NKAIN3: variants seen among roughly 807,000 people sequenced by gnomAD.
The protein encoded by NKAIN3 is sodium/potassium transporting ATPase interacting 3, also known as sodium/potassium-transporting ATPase subunit beta-1-interacting protein 3.
Under a neutral mutation model 30.2 loss-of-function variants are expected in NKAIN3, and 25 were observed. The observed-to-expected ratio is 0.83, with a 90% confidence interval of 0.60 to 1.16. The LOEUF is 1.16. Among genes scored for constraint, NKAIN3 ranks in the 50% most tolerant of loss-of-function variants. The pLI, the probability that NKAIN3 is intolerant of heterozygous loss-of-function variation, is 0.00. For synonymous variants in NKAIN3, 91 were observed against 89.6 expected, an observed-to-expected ratio of 1.02 and a Z score of -0.09; for missense variants, 225 against 254.1, an observed-to-expected ratio of 0.89 and a Z score of 0.78.
intron 5 of NKAIN3, among the ~76,000 whole-genome samples, chr8:62,923,896 C>G (rs1415490002): frequency 6.6e-6 from 1 of 152,152 alleles, no homozygotes; most frequent in Non-Finnish European, 1.5e-5. Flanking sequence ...GACTCTCTCT[C>G]AAGAATATCA....
At chr8:62,891,674 G>A (rs901439768) in intron 4 of NKAIN3, among the ~76,000 whole-genome samples, 1 of 152,062 alleles carries the variant, frequency 6.6e-6, no homozygotes, top group African/African-American at 2.4e-5. Flanking sequence ...CTTTTGAACA[G>A]AGACAAAATT....
chr8:62,857,675 T>G (rs926878191), intron 4 of NKAIN3, among the ~76,000 whole-genome samples: 1 of 152,246 alleles, frequency 6.6e-6, no homozygotes, highest in African/African-American at 2.4e-5. Flanking sequence ...GAAGTTCTTA[T>G]ACTGTGTTTT....
chr8:62,842,581 C>G (rs914959097), intron 4 of NKAIN3, among the ~76,000 whole-genome samples: 7 of 152,090 alleles, frequency 4.6e-5, no homozygotes, highest in African/African-American at 7.2e-5. Flanking sequence ...AACAAAGCTA[C>G]AGGCATCATA....
intron 1 of NKAIN3, among the ~76,000 whole-genome samples, chr8:62,295,930 CT>C (rs1376747024): frequency 6.6e-6 from 1 of 152,112 alleles, no homozygotes; most frequent in African/African-American, 2.4e-5. Flanking sequence ...TTCTAATAAC[CT>C]CACACCTTAG....
intron 1 of NKAIN3, among the ~76,000 whole-genome samples, chr8:62,421,560 A>G (rs373765499): frequency 1.3e-3 from 194 of 152,026 alleles, no homozygotes; most frequent in African/African-American, 4.6e-3. Context: ...ATTTTTCTGT[A>G]TTAGCTGAAA....
chr8:62,577,806 C>G (rs1810163879), intron 1 of NKAIN3, among the ~76,000 whole-genome samples: 1 of 151,836 alleles, frequency 6.6e-6, no homozygotes, highest in Non-Finnish European at 1.5e-5. Context: ...TGAATGTATC[C>G]TGAATCATAT....
At chr8:62,754,999 A>AT (rs1249552252) in intron 4 of NKAIN3, among the ~76,000 whole-genome samples, 1 of 152,220 alleles carries the variant, frequency 6.6e-6, no homozygotes, top group East Asian at 1.9e-4. Context: ...TAGTTAAAAG[A>AT]TTTTTTTAAA....
chr8:62,396,466 G>C (rs1817768726), intron 1 of NKAIN3, among the ~76,000 whole-genome samples: 1 of 152,150 alleles, frequency 6.6e-6, no homozygotes, highest in South Asian at 2.1e-4. Context: ...TTAATTTACA[G>C]AATTAATTCT....
At chr8:62,382,526 C>T (rs1817308534) in intron 1 of NKAIN3, among the ~76,000 whole-genome samples, 1 of 152,096 alleles carries the variant, frequency 6.6e-6, no homozygotes. Context: ...AAGTATGTTT[C>T]TATATTATAC....
At chr8:62,401,901 C>T (rs1358715685) in intron 1 of NKAIN3, among the ~76,000 whole-genome samples, 5 of 152,212 alleles carry the variant, frequency 3.3e-5, no homozygotes, top group African/African-American at 1.2e-4. Flanking sequence ...ACCCAAGGTC[C>T]ACGATAACCA....
At chr8:62,485,887 A>G (rs940937982) in intron 1 of NKAIN3, among the ~76,000 whole-genome samples, 9 of 152,346 alleles carry the variant, frequency 5.9e-5, no homozygotes, top group Non-Finnish European at 1.2e-4. Context: ...GAAGATTGAC[A>G]GTGCATAAAC....
At chr8:62,844,103 C>G (rs150090010) in intron 4 of NKAIN3, among the ~76,000 whole-genome samples, 1 of 152,124 alleles carries the variant, frequency 6.6e-6, no homozygotes, top group Non-Finnish European at 1.5e-5. Context: ...ACAGTAGTTG[C>G]CAATGCAAAA....
At chr8:62,534,353 G>C (rs1187026576) in intron 1 of NKAIN3, among the ~76,000 whole-genome samples, 4 of 152,114 alleles carry the variant, frequency 2.6e-5, no homozygotes. Flanking sequence ...CTCATAAATA[G>C]TACAGGTCAC....
At chr8:62,744,178 G>A (rs751577914) in intron 3 of NKAIN3, among the ~76,000 whole-genome samples, 44 of 152,134 alleles carry the variant, frequency 2.9e-4, no homozygotes, top group Non-Finnish European at 6.0e-4. Context: ...TGTCCTTCAT[G>A]TTCAAAGTAC....
intron 4 of NKAIN3, among the ~76,000 whole-genome samples, chr8:62,763,259 A>AAAAAAAAAAAAAC (rs1563551311): frequency 1.1e-4 from 15 of 140,456 alleles, no homozygotes; most frequent in African/African-American, 3.9e-4. Context: ...AAAAAAAAAA[A>AAAAAAAAAAAAAC]AACTTATATA....
chr8:62,996,744 C>T (rs1175339878), intron 5 of NKAIN3, among the ~76,000 whole-genome samples: 1 of 152,274 alleles, frequency 6.6e-6, no homozygotes, highest in East Asian at 1.9e-4. Context: ...AGGCCACAGA[C>T]ACCATGCAAG....
Position 62,877,354 on chromosome 8 carries a change from T to C in NKAIN3, c.472-41099T>C, listed in dbSNP as rs1586300859. ...GCAGCCCAATTAGGCGGCCTCGGAA[T>C]GGAGGCACTTAAGGTAGAAATGCAA... On this transcript the variant is annotated intron_variant, in intron 4 of 6. Transcript: ENST00000623646. 2.0e-5 allele frequency among the ~76,000 whole-genome samples: 3 copies of C among 152,346 alleles called. No individual in the cohort carries two copies. The South Asian group carries it at 6.2e-4, about 32-fold the overall frequency.
intron 3 of NKAIN3, among the ~76,000 whole-genome samples, chr8:62,600,755 C>T (rs1810963069): frequency 1.3e-5 from 2 of 152,028 alleles, no homozygotes. Context: ...CCTCTTTTGA[C>T]TTAAATTTTT....
At chr8:62,751,844 G>A (rs967505273) in intron 4 of NKAIN3, among the ~76,000 whole-genome samples, 2 of 151,602 alleles carry the variant, frequency 1.3e-5, no homozygotes, top group Admixed American at 6.6e-5. Flanking sequence ...GTGTGTGTAT[G>A]TGTTACTGAG....
Sources: allele counts gnomAD v4.1 joint callset (sites outside exome capture counted in the v4.1 genomes callset), GRCh38; gene constraint gnomAD v4.1.1; transcripts MANE v1.5; gene names NCBI Gene and HGNC (gene_info 2026-07-23, HGNC 2026-07-21).